The following CATSPERE variants were observed in gnomAD, a reference collection of about 807,000 sequenced individuals.
The protein encoded by CATSPERE is cation channel sperm-associated auxiliary subunit epsilon.
CATSPERE carries 93 observed loss-of-function variants against 114.1 expected under a neutral mutation model. The ratio of observed to expected loss-of-function variants is 0.81; its 90% CI spans 0.69 to 0.97. The LOEUF is 0.97. CATSPERE is among the 50% of genes least tolerant of loss of function. The pLI is 0.00. For missense variants in CATSPERE, 1,058 were observed against 1,131.6 expected, an observed-to-expected ratio of 0.93 and a Z score of 0.93; for synonymous variants, 341 against 384.1, an observed-to-expected ratio of 0.89 and a Z score of 1.31.
At chr1:244,452,191 A>G (rs1323390249), upstream of CATSPERE, 1 of 168,502 alleles carries the variant, frequency 5.9e-6, no homozygotes, top group African/African-American at 2.4e-5. Context: ...CTTCTCCTTC[A>G]GCACCCCGCC....
At chr1:244,507,515 G>A (rs1572458538) in intron 7 of CATSPERE, among the ~76,000 whole-genome samples, 1 of 152,082 alleles carries the variant, frequency 6.6e-6, no homozygotes, top group East Asian at 1.9e-4. Context: ...CTATTTTTGT[G>A]TTTGTTGCAT....
In CATSPERE at chr1:244,527,404, C is replaced by T. The variant is rs554107181; in HGVS notation, c.536+8706C>T. On this transcript the variant is annotated intron_variant, in intron 8 of 21. Transcript: ENST00000366534. ...AAAGAAGAGAAATATGGCTCTGTTC[C>T]GCCCGGCTCAGCGGCAGTCAGAGTT... is the stretch of plus-strand genomic sequence containing the variant. 4.6e-5 allele frequency among the ~76,000 whole-genome samples: 7 copies of T among 152,292 alleles called. No individual in the cohort carries two copies. The East Asian group carries it at 5.8e-4, about 13-fold the overall frequency.
chr1:244,593,671 C>T (rs563538010), intron 17 of CATSPERE, 93 bp downstream of exon 17: 29 of 1,005,668 alleles, frequency 2.9e-5, no homozygotes, highest in African/African-American at 9.7e-5. Context: ...TCTAACAACA[C>T]GTATTTTAGA....
At chr1:244,493,554 T>A in intron 6 of CATSPERE, among the ~76,000 whole-genome samples, 1 of 152,082 alleles carries the variant, frequency 6.6e-6, no homozygotes, top group Non-Finnish European at 1.5e-5. Context: ...GGACTTCATG[T>A]CTAAAACACC....
At chr1:244,606,301 G>T (rs895415993) in intron 18 of CATSPERE, among the ~76,000 whole-genome samples, 3 of 151,976 alleles carry the variant, frequency 2.0e-5, no homozygotes, top group Non-Finnish European at 4.4e-5. Flanking sequence ...TTTGTAGGCC[G>T]CAGCAGAGTG....
intron 8 of CATSPERE, among the ~76,000 whole-genome samples, chr1:244,530,064 C>G (rs1375361111): frequency 6.6e-6 from 1 of 152,170 alleles, no homozygotes; most frequent in East Asian, 1.9e-4. Context: ...TCTCCTGCCT[C>G]AGCCTCCGAG....
In CATSPERE at chr1:244,600,019, A is replaced by T. The variant is rs146154161; in HGVS notation, c.2304-5676A>T. On this transcript the variant is annotated intron_variant, in intron 17 of 21. Coordinates refer to ENST00000366534, the MANE Select transcript of CATSPERE (RefSeq NM_001130957.2). ...TGAGGATAAAGAAAGGAAGGTTAGA[A>T]ATGAGTCATTCTGATTATAGTAATA... is the stretch of plus-strand genomic sequence containing the variant. Among the ~76,000 whole-genome samples, 1,271 of 152,284 alleles carry T rather than the reference A, an allele frequency of 8.3e-3. 19 individuals are homozygous for T. Among genetic ancestry groups the T allele is most frequent in the East Asian group, 0.045 (232 of 5,184 alleles).
At chr1:244,621,092 T>A (rs1672118226) in intron 20 of CATSPERE, among the ~76,000 whole-genome samples, 1 of 67,396 alleles carries the variant, frequency 1.5e-5, no homozygotes, top group Non-Finnish European at 2.8e-5. Flanking sequence ...TAAATATATA[T>A]AAAATATATA....
At chr1:244,558,769 C>T (rs112708704) in intron 9 of CATSPERE, among the ~76,000 whole-genome samples, 14 of 152,170 alleles carry the variant, frequency 9.2e-5, no homozygotes, top group Admixed American at 3.3e-4. Flanking sequence ...ACTCCCCTCT[C>T]CTTCTCCTTC....
At chr1:244,539,093 A>G (rs1680815009) in intron 8 of CATSPERE, among the ~76,000 whole-genome samples, 1 of 152,274 alleles carries the variant, frequency 6.6e-6, no homozygotes, top group Non-Finnish European at 1.5e-5. Flanking sequence ...CTCTGGAGGG[A>G]GCATCTGGCC....
At chr1:244,574,398 G>T (rs1290790377) in intron 11 of CATSPERE, among the ~76,000 whole-genome samples, 1 of 152,160 alleles carries the variant, frequency 6.6e-6, no homozygotes, top group Non-Finnish European at 1.5e-5. Context: ...AGGCTTGAAG[G>T]CTTGAAGGAA....
At chr1:244,511,133 G>A (rs990724739) in intron 7 of CATSPERE, among the ~76,000 whole-genome samples, 1 of 152,092 alleles carries the variant, frequency 6.6e-6, no homozygotes, top group East Asian at 1.9e-4. Context: ...ATGAGCCACC[G>A]CGCCTGGCTG....
intron 1 of CATSPERE, among the ~76,000 whole-genome samples, chr1:244,463,147 CTTAAAA>C (rs1488416391): frequency 4.6e-5 from 7 of 152,156 alleles, no homozygotes; most frequent in Non-Finnish European, 8.8e-5. Context: ...TTGAATAAAA[CTTAAAA>C]TTAATTAATT....
chr1:244,543,432 A>T (rs533472589), intron 8 of CATSPERE, among the ~76,000 whole-genome samples: 1 of 152,050 alleles, frequency 6.6e-6, no homozygotes, highest in East Asian at 1.9e-4. Context: ...ACGCTAAAAA[A>T]GTTGACCTCG....
intron 20 of CATSPERE, among the ~76,000 whole-genome samples, chr1:244,629,502 CCT>C (rs2148741830): frequency 7.8e-6 from 1 of 127,590 alleles, no homozygotes; most frequent in South Asian, 2.7e-4. Flanking sequence ...GTCTCTCTTA[CCT>C]TTTTTTTTTT....
chr1:244,633,900 T>C lies in CATSPERE; in HGVS notation c.2649-1589T>C, dbSNP rs1223420560. Among the ~76,000 whole-genome samples the C allele has an allele frequency of 6.6e-6, 1 of 151,174 alleles. No individual in the cohort carries two copies. Among genetic ancestry groups the C allele is most frequent in the African/African-American group, 2.4e-5 (1 of 40,990 alleles). ...TTTTTTTTGAGACGGAGCCTCACTC[T>C]GTTGCCCAGGCTGGAGTGCAGTGGT... On this transcript the variant is annotated intron_variant, in intron 20 of 21. Transcript: ENST00000366534. The surrounding 1 kb of genome is among the most constrained non-coding windows in gnomAD (Gnocchi z 4.1).
intron 14 of CATSPERE, among the ~76,000 whole-genome samples, chr1:244,590,670 A>G (rs1667611243): frequency 6.6e-6 from 1 of 152,202 alleles, no homozygotes; most frequent in Admixed American, 6.5e-5. Context: ...CCTGCTCTGA[A>G]TATTTCACAT....
chr1:244,553,654 T>C (rs111773728), intron 9 of CATSPERE, among the ~76,000 whole-genome samples: 15,857 of 136,442 alleles, frequency 0.12, 1,671 homozygotes, highest in African/African-American at 0.27. Flanking sequence ...CATACATATA[T>C]ATATAGTTGC....
intron 7 of CATSPERE, among the ~76,000 whole-genome samples, chr1:244,509,320 A>G (rs1399636558): frequency 1.3e-5 from 2 of 151,844 alleles, no homozygotes; most frequent in Non-Finnish European, 2.9e-5. Context: ...CTTATTCTGC[A>G]TCTGTTAAGA....
Sources: allele counts gnomAD v4.1 joint callset (sites outside exome capture counted in the v4.1 genomes callset), GRCh38; gene constraint gnomAD v4.1.1; non-coding constraint Gnocchi (gnomAD v3.1); transcripts MANE v1.5; gene names NCBI Gene and HGNC (gene_info 2026-07-23, HGNC 2026-07-21).